VWA8: variants seen among roughly 807,000 people sequenced by gnomAD.
The protein encoded by VWA8 is von Willebrand factor A domain-containing protein 8.
VWA8 carries 221 observed loss-of-function variants against 241.5 expected under a neutral mutation model. The ratio of observed to expected loss-of-function variants is 0.91; its 90% CI spans 0.82 to 1.02. The LOEUF is 1.02. Ranked by LOEUF, VWA8 falls within the 50% of genes least tolerant of loss-of-function variation. The pLI is 0.00. For synonymous variants in VWA8, 852 were observed against 827.1 expected (o/e 1.03, Z -0.52); for missense variants, 2,322 against 2,328.7 (o/e 1.00, Z 0.06).
At chr13:41,744,981 G>T (rs954757922) in intron 21 of VWA8, among the ~76,000 whole-genome samples, 1 of 151,956 alleles carries the variant, frequency 6.6e-6, no homozygotes, top group Non-Finnish European at 1.5e-5. Flanking sequence ...GGGAGTACAG[G>T]TACCCACCAC....
chr13:41,679,514 G>C (rs771487097), intron 35 of VWA8, among the ~76,000 whole-genome samples: 1 of 152,082 alleles, frequency 6.6e-6, no homozygotes, highest in Non-Finnish European at 1.5e-5. Context: ...TTTCAATCAA[G>C]AATCATTATT....
At chr13:41,920,709 G>A (rs775765413) in intron 2 of VWA8, among the ~76,000 whole-genome samples, 1 of 152,042 alleles carries the variant, frequency 6.6e-6, no homozygotes, top group African/African-American at 2.4e-5. Flanking sequence ...TAAATTCCTC[G>A]ACACATACAC....
At chr13:41,958,074 G>A (rs1486201423) in intron 1 of VWA8, among the ~76,000 whole-genome samples, 1 of 152,158 alleles carries the variant, frequency 6.6e-6, no homozygotes, top group Non-Finnish European at 1.5e-5. Context: ...TTTAATGGAA[G>A]TATAAAGAGA....
intron 42 of VWA8, among the ~76,000 whole-genome samples, chr13:41,581,161 C>T (rs546017330): frequency 2.4e-5 from 3 of 127,000 alleles, no homozygotes; most frequent in South Asian, 5.1e-4. Context: ...CCACCTCGCC[C>T]GGCTAATTTT....
At position 41,657,469 on chromosome 13, in the gene VWA8, G is replaced by A. The variant is rs116482615; in HGVS notation, c.4611+13477C>T. On this transcript the variant is annotated intron_variant, in intron 37 of 44. Coordinates refer to ENST00000379310, the MANE Select transcript of VWA8 (RefSeq NM_015058.2). The stretch of plus-strand genomic sequence containing the variant: ...AATAAGTCCTCTCTTTAAAGGTACA[G>A]AGAAAAGTTATTCTTTTTTTTTTTT... Among the ~76,000 whole-genome samples, 1,036 of 151,482 alleles carry A rather than the reference G, an allele frequency of 6.8e-3. 11 individuals are homozygous for A. Among genetic ancestry groups the A allele is most frequent in the African/African-American group, 0.024 (993 of 41,330 alleles).
chr13:41,800,138 A>C (rs538784693), intron 17 of VWA8, among the ~76,000 whole-genome samples: 72 of 152,318 alleles, frequency 4.7e-4, no homozygotes, highest in Non-Finnish European at 9.0e-4. Context: ...TGTTGCTAAC[A>C]TTTCATTGTA....
chr13:41,910,920 G>T (rs181096603), intron 3 of VWA8, among the ~76,000 whole-genome samples: 1 of 152,182 alleles, frequency 6.6e-6, no homozygotes, highest in East Asian at 1.9e-4. Context: ...ATAATACAAG[G>T]AATCTTTAAA....
rs147181192 is a variant in VWA8, at chr13:41,909,714, T to C, written c.373-2018A>G. On this transcript the variant is annotated intron_variant, in intron 3 of 44. Transcript: ENST00000379310. ...TATCCTCAGCTTCCTTTGTTCTTCA[T>C]TGGCCGTGACAAGCACCAAAGTCTC... Among the ~76,000 whole-genome samples, 263 of 152,312 alleles carry C rather than the reference T, an allele frequency of 1.7e-3. 2 individuals are homozygous for C. Among genetic ancestry groups the C allele is most frequent in the African/African-American group, 5.7e-3 (238 of 41,566 alleles).
chr13:41,643,916 C>T (rs961173785), intron 37 of VWA8, among the ~76,000 whole-genome samples: 2 of 152,088 alleles, frequency 1.3e-5, no homozygotes, highest in African/African-American at 4.8e-5. Context: ...CCTAGCAGGG[C>T]TAACATTACC....
rs2045180378 is a variant in VWA8 at position 41,691,874 on chromosome 13, C to A, written c.3740G>T (p.Gly1247Val). The A allele has an allele frequency of 6.2e-7, 1 of 1,605,524 alleles. No homozygotes were observed. Among genetic ancestry groups the A allele is most frequent in the African/African-American group, 1.3e-5 (1 of 74,650 alleles). Residue 1247 changes from glycine to valine, a missense_variant and splice_region_variant, in exon 31 of 45, where the codon GGG (glycine) becomes GTG (valine). By Grantham distance (109) the Gly-to-Val change is moderately radical. Coordinates refer to ENST00000379310, the MANE Select transcript of VWA8 (RefSeq NM_015058.2). ...AAATCCTCTATAATAAAGAGCTCACCCTTTTTCTTTGTAGAACACCAGCCA... is the reference window on the plus strand; with the variant it reads ...AAATCCTCTATAATAAAGAGCTCACACTTTTTCTTTGTAGAACACCAGCCA... ...KNWLVFYKEKGNSLTVLDVLE... is the reference protein window; with the variant it reads ...KNWLVFYKEKVNSLTVLDVLE...
At chr13:41,931,939 A>G (rs958153600) in intron 2 of VWA8, among the ~76,000 whole-genome samples, 12 of 152,136 alleles carry the variant, frequency 7.9e-5, no homozygotes, top group African/African-American at 1.2e-4. Flanking sequence ...AGATCCAAAG[A>G]AAGAAAATAA....
At chr13:41,923,967 AACACAAACACAC>A (rs1237903184) in intron 2 of VWA8, among the ~76,000 whole-genome samples, 3 of 152,058 alleles carry the variant, frequency 2.0e-5, no homozygotes, top group Admixed American at 6.6e-5. Context: ...TCAGCATCAG[AACACAAACACAC>A]ACACAAACAC....
intron 21 of VWA8, among the ~76,000 whole-genome samples, chr13:41,739,230 T>C (rs1037372501): frequency 6.6e-6 from 1 of 152,170 alleles, no homozygotes; most frequent in Non-Finnish European, 1.5e-5. Flanking sequence ...GTACTCAATT[T>C]TGCATGAGAT....
chr13:41,695,908 C>A (rs534221137), intron 29 of VWA8, among the ~76,000 whole-genome samples: 1 of 152,216 alleles, frequency 6.6e-6, no homozygotes, highest in South Asian at 2.1e-4. Flanking sequence ...TGCTGAGAAC[C>A]TACAAATCTG....
chr13:41,872,707 T>C (rs1873692485), intron 9 of VWA8, among the ~76,000 whole-genome samples: 1 of 152,066 alleles, frequency 6.6e-6, no homozygotes, highest in Non-Finnish European at 1.5e-5. Flanking sequence ...TTGGTTACTG[T>C]AGCCTTGTAG....
chr13:41,657,482 CTTTTTTT>C (rs35182691), intron 37 of VWA8, among the ~76,000 whole-genome samples: 27 of 136,106 alleles, frequency 2.0e-4, no homozygotes, highest in African/African-American at 5.4e-4. Flanking sequence ...AAAAGTTATT[CTTTTTTT>C]TTTTTTTTTT....
At chr13:41,900,445 T>C (rs572742267) in intron 4 of VWA8, among the ~76,000 whole-genome samples, 1 of 152,324 alleles carries the variant, frequency 6.6e-6, no homozygotes, top group Non-Finnish European at 1.5e-5. Flanking sequence ...AGGATCCTTC[T>C]GGCCCAGCCA....
rs1384013361 is a variant in VWA8 at position 41,880,016 on chromosome 13, T to G, written c.1080+3371A>C. On this transcript the variant is annotated intron_variant, in intron 9 of 44. Transcript: ENST00000379310. ...CTGCCAAGGGTCAACACTTTAAACA[T>G]ATAGTTATAAGACATTTTAGAGTGT... Among the ~76,000 whole-genome samples, 5 of 152,218 alleles carry G rather than the reference T, an allele frequency of 3.3e-5. No individual in the cohort carries two copies. The East Asian group carries it at 9.6e-4, about 29-fold the overall frequency.
intron 30 of VWA8, 55 bp from the exon 31 acceptor site, chr13:41,691,993 C>T: frequency 8.6e-7 from 1 of 1,157,518 alleles, no homozygotes; most frequent in South Asian, 1.3e-5. Context: ...ACAGTCATGT[C>T]CCTCTTTAGC....
Sources: gnomAD v4.1 joint callset for allele counts (sites outside exome capture counted in the v4.1 genomes callset) on GRCh38, gnomAD v4.1.1 for gene constraint, MANE v1.5 for transcripts, NCBI Gene and HGNC (gene_info 2026-07-23, HGNC 2026-07-21) for gene names.